PLEKHB2: variants seen among roughly 807,000 people sequenced by gnomAD.
PLEKHB2 encodes pleckstrin homology domain containing B2.
Under a neutral mutation model 36.5 loss-of-function variants are expected in PLEKHB2, and 31 were observed. The ratio of observed to expected loss-of-function variants is 0.85; its 90% CI spans 0.64 to 1.15. The LOEUF (loss-of-function observed/expected upper bound fraction) is 1.15. PLEKHB2 is among the 50% of genes most tolerant of loss of function. PLEKHB2 has a pLI of 0.00. For missense variants in PLEKHB2, 262 were observed against 295.3 expected, an observed-to-expected ratio of 0.89 and a Z score of 0.83; for synonymous variants, 119 against 112.0, an observed-to-expected ratio of 1.06 and a Z score of -0.39.
chr2:131,138,434 G>A (rs1489263660), intron 6 of PLEKHB2, among the ~76,000 whole-genome samples: 5 of 152,076 alleles, frequency 3.3e-5, no homozygotes, highest in African/African-American at 1.2e-4. Context: ...CTGGTTCTTG[G>A]TATAAATGGC....
chr2:131,137,092 G>A (rs574287631), intron 6 of PLEKHB2, among the ~76,000 whole-genome samples: 4 of 151,526 alleles, frequency 2.6e-5, no homozygotes, highest in Admixed American at 6.6e-5. Context: ...GACTACAGGC[G>A]CCTGCCACCA....
At chr2:131,130,446 C>T (rs1272559289) in intron 4 of PLEKHB2, among the ~76,000 whole-genome samples, 2 of 152,038 alleles carry the variant, frequency 1.3e-5, no homozygotes, top group Non-Finnish European at 2.9e-5. Context: ...TGTGTGTATG[C>T]CATGAACTGA....
intron 6 of PLEKHB2, among the ~76,000 whole-genome samples, chr2:131,137,483 T>C (rs764367071): frequency 1.6e-4 from 24 of 152,226 alleles, no homozygotes; most frequent in Non-Finnish European, 2.4e-4. Flanking sequence ...GAGTAGGTTT[T>C]GACAGTTTGT....
chr2:131,146,032 A>G (rs112508391), intron 7 of PLEKHB2, among the ~76,000 whole-genome samples: 3,266 of 151,868 alleles, frequency 0.022, 121 homozygotes, highest in African/African-American at 0.074. Context: ...AATACAAAAA[A>G]TTAGCCAGGC....
intron 1 of PLEKHB2, chr2:131,108,169 C>G (rs1694928227): frequency 1.3e-5 from 2 of 152,184 alleles, no homozygotes; most frequent in African/African-American, 4.8e-5. Flanking sequence ...ATTCCAAAGG[C>G]AGTATTTTTT....
Position 131,126,725 on chromosome 2 carries a change from C to T in PLEKHB2, c.232C>T (p.Gln78Ter). 6.2e-7 allele frequency: 1 copy of T among 1,612,062 alleles called. No individual in the cohort carries two copies. The highest frequency in any genetic ancestry group is 8.5e-7 in the Non-Finnish European group (1 of 1,178,124). ...TGGAAAGTCAAAAGACTGCATGCTC[C>T]AGATTGTTTGTCGAGATGGGAAAAC... The part of the protein sequence containing the change: ...PDGKSKDCML[Q>*]IVCRDGKTIS... Residue 78 changes from glutamine to a stop codon, truncating the protein, a stop_gained, in exon 4 of 8, where the codon CAG becomes TAG. Coordinates refer to ENST00000693505, the MANE Select transcript of PLEKHB2 (RefSeq NM_001100623.2). LOFTEE classifies it high-confidence loss of function.
chr2:131,140,048 TTTG>T, intron 6 of PLEKHB2, 116 bp from the exon 7 acceptor site: 1 of 619,306 alleles, frequency 1.6e-6, no homozygotes. Context: ...TGTTTCATGT[TTTG>T]TTTTGTTTTT....
chr2:131,146,051 G>A (rs769071504), intron 7 of PLEKHB2, among the ~76,000 whole-genome samples: 1 of 151,850 alleles, frequency 6.6e-6, no homozygotes, highest in African/African-American at 2.4e-5. Context: ...GCGTGGTGGT[G>A]GGCGCCTATA....
At chr2:131,109,582 TG>T (rs2104765709) in intron 1 of PLEKHB2, among the ~76,000 whole-genome samples, 1 of 151,892 alleles carries the variant, frequency 6.6e-6, no homozygotes, top group Non-Finnish European at 1.5e-5. Flanking sequence ...CCCAGCTACT[TG>T]GGAGGCTGAG....
chr2:131,144,241 G>A (rs796765110), intron 7 of PLEKHB2, among the ~76,000 whole-genome samples: 1 of 152,326 alleles, frequency 6.6e-6, no homozygotes, highest in African/African-American at 2.4e-5. Flanking sequence ...GGGACCAGTG[G>A]TTGGTCAGCC....
rs1442454729 is a variant in PLEKHB2, at chr2:131,147,637, A to G, written c.*864A>G. On this transcript the variant is annotated 3_prime_UTR_variant, in exon 8 of 8. Coordinates refer to ENST00000693505, the MANE Select transcript of PLEKHB2 (RefSeq NM_001100623.2). Reference sequence around the variant, plus strand: ...CACGGTGAAACCCCATCTCTACTAAAAATACAAAAAATTAGCTGGGCGTGG... The same window carrying G: ...CACGGTGAAACCCCATCTCTACTAAGAATACAAAAAATTAGCTGGGCGTGG... 2 of 152,296 alleles carry G rather than the reference A, an allele frequency of 1.3e-5. No individual in the cohort carries two copies. Among genetic ancestry groups the G allele is most frequent in the East Asian group, 3.9e-4 (2 of 5,180 alleles). The allele number at this position is 152,296 out of a possible 1,614,324, so 9.4% of individuals were successfully genotyped here.
At chr2:131,120,387 T>C (rs1039158213) in intron 1 of PLEKHB2, 1 of 155,326 alleles carries the variant, frequency 6.4e-6, no homozygotes, top group African/African-American at 2.4e-5. Flanking sequence ...GACTGTTTCT[T>C]CTAATTTATC....
intron 1 of PLEKHB2, among the ~76,000 whole-genome samples, chr2:131,105,949 A>T (rs1436756091): frequency 1.3e-5 from 2 of 151,936 alleles, no homozygotes; most frequent in African/African-American, 4.8e-5. Context: ...CCCCTCCTTA[A>T]GTCCCGGGGG....
chr2:131,130,027 T>C (rs758152934), intron 4 of PLEKHB2, among the ~76,000 whole-genome samples: 3 of 152,032 alleles, frequency 2.0e-5, no homozygotes, highest in Non-Finnish European at 2.9e-5. Flanking sequence ...GTAATAGGGA[T>C]GTTAATAGCA....
intron 2 of PLEKHB2, 130 bp from the exon 3 acceptor site, chr2:131,125,623 T>C: frequency 1.5e-6 from 1 of 682,540 alleles, no homozygotes; most frequent in Non-Finnish European, 2.4e-6. Context: ...GAGGATTGCT[T>C]GAGCCCAGGA....
At chr2:131,129,319 C>A in intron 4 of PLEKHB2, among the ~76,000 whole-genome samples, 1 of 74,788 alleles carries the variant, frequency 1.3e-5, no homozygotes, top group Admixed American at 1.8e-4. Context: ...AGTGAGACTC[C>A]ATCTCAAAAA....
intron 2 of PLEKHB2, among the ~76,000 whole-genome samples, chr2:131,125,126 C>T (rs1381849424): frequency 6.6e-6 from 1 of 152,070 alleles, no homozygotes; most frequent in Non-Finnish European, 1.5e-5. Context: ...TTTTTATTTG[C>T]GTATAGAGAC....
intron 1 of PLEKHB2, chr2:131,118,861 C>G (rs571887210): frequency 5.0e-4 from 36 of 71,732 alleles, no homozygotes; most frequent in African/African-American, 2.1e-3. Context: ...GAGCAAGATT[C>G]CGTCTCAAAA....
At chr2:131,146,285 G>A (rs1362317135) in intron 7 of PLEKHB2, among the ~76,000 whole-genome samples, 2 of 152,124 alleles carry the variant, frequency 1.3e-5, no homozygotes, top group East Asian at 3.9e-4. Context: ...TTCCTTTTTG[G>A]GCTTTTGTTG....
Sources: allele counts gnomAD v4.1 joint callset (sites outside exome capture counted in the v4.1 genomes callset), GRCh38; gene constraint gnomAD v4.1.1; transcripts MANE v1.5; gene names NCBI Gene and HGNC (gene_info 2026-07-23, HGNC 2026-07-21).